ACSS2: variants seen among roughly 807,000 people sequenced by gnomAD.
ACSS2 encodes acyl-CoA synthetase short chain family member 2, also known as acetyl-coenzyme A synthetase, cytoplasmic.
In ACSS2, 58 loss-of-function variants were observed where a neutral mutation model predicts 90.6. The ratio of observed to expected loss-of-function variants is 0.64; its 90% confidence interval spans 0.52 to 0.80. The LOEUF (loss-of-function observed/expected upper bound fraction) is 0.80. ACSS2 is among the 30% of genes least tolerant of loss of function. The probability of loss-of-function intolerance (pLI) is 0.00; values close to 1 mark genes in which losing one functional copy is unlikely to be tolerated. For synonymous variants in ACSS2, 300 were observed against 330.9 expected (o/e 0.91, Z 1.01); for missense variants, 759 against 912.0 (o/e 0.83, Z 2.16).
At chr20:34,909,432 T>C (rs540168675) in intron 2 of ACSS2, among the ~76,000 whole-genome samples, 1 of 152,276 alleles carries the variant, frequency 6.6e-6, no homozygotes, top group East Asian at 1.9e-4. Flanking sequence ...AAGAATGATA[T>C]CAAGGTATAT....
At chr20:34,895,048 G>A (rs914012080) in intron 2 of ACSS2, among the ~76,000 whole-genome samples, 1 of 152,078 alleles carries the variant, frequency 6.6e-6, no homozygotes, top group East Asian at 1.9e-4. Flanking sequence ...ATGTTGGGGG[G>A]AGGGACAAAG....
At chr20:34,885,113 T>C (rs1034038714) in intron 2 of ACSS2, among the ~76,000 whole-genome samples, 9 of 151,894 alleles carry the variant, frequency 5.9e-5, no homozygotes, top group East Asian at 1.9e-4. Context: ...GGTGGGAGGA[T>C]TGCTTGAGCC....
chr20:34,902,461 A>T (rs1473256354), intron 2 of ACSS2, among the ~76,000 whole-genome samples: 1 of 152,170 alleles, frequency 6.6e-6, no homozygotes, highest in East Asian at 1.9e-4. Context: ...CTAGGAAGTG[A>T]CATTTAAGCT....
intron 14 of ACSS2, 83 bp downstream of exon 14, chr20:34,923,514 G>A (rs1322689979): frequency 5.0e-6 from 5 of 990,612 alleles, no homozygotes. Flanking sequence ...TTGGTGTGTT[G>A]CTATAAAATA....
At chr20:34,883,843 G>A (rs2080126373) in intron 2 of ACSS2, among the ~76,000 whole-genome samples, 1 of 152,172 alleles carries the variant, frequency 6.6e-6, no homozygotes, top group Non-Finnish European at 1.5e-5. Context: ...CTACTATACC[G>A]AATCCAAATA....
intron 14 of ACSS2, among the ~76,000 whole-genome samples, chr20:34,924,802 C>A (rs990142626): frequency 2.6e-5 from 4 of 151,988 alleles, no homozygotes; most frequent in African/African-American, 9.7e-5. Context: ...CGGGTTCAAG[C>A]AATTCTCCTG....
In ACSS2 at chr20:34,876,729, T is replaced by C. The variant is rs1163682783; in HGVS notation, c.84T>C (p.Ser28=). ...CTGGAGCCGGAGGCCGGGCGCGGAG[T>C]TGGTCTCCGCCGCCCGAGGTCAGCC... ...EEAGAGGRAR[S]WSPPPEVSRS... is the part of the protein sequence containing the mutation. Residue 28 remains serine, a synonymous_variant, in exon 1 of 18, where the codon AGT becomes AGC. Transcript: ENST00000360596. 6.9e-7 allele frequency: 1 copy of C among 1,441,950 alleles called. No homozygotes were observed. Among genetic ancestry groups the C allele is most frequent in the South Asian group, 1.4e-5 (1 of 72,274 alleles). 89.3% of individuals were successfully genotyped at this position (1,441,950 alleles called of 1,614,324 possible). A position where few individuals can be genotyped will look rare whatever the true frequency, so the allele number is the denominator to read the frequency against.
intron 13 of ACSS2, 156 bp downstream of exon 13, chr20:34,922,022 CCCTCGATACTTTG>C: frequency 7.1e-7 from 1 of 1,408,024 alleles, no homozygotes. Context: ...CTGGAGGGGA[CCCTCGATACTTTG>C]CCTGCATCTC....
chr20:34,887,946 T>A (rs1233457929), intron 2 of ACSS2, among the ~76,000 whole-genome samples: 2 of 150,162 alleles, frequency 1.3e-5, no homozygotes, highest in African/African-American at 4.9e-5. Context: ...GGCGCACTCC[T>A]GTAATCCCAG....
At chr20:34,904,412 C>T (rs1342207045) in intron 2 of ACSS2, among the ~76,000 whole-genome samples, 4 of 151,444 alleles carry the variant, frequency 2.6e-5, no homozygotes, top group Non-Finnish European at 4.4e-5. Context: ...CTGGGGAGGC[C>T]GTTTGGCTGG....
At chr20:34,909,094 C>G (rs1253622470) in intron 2 of ACSS2, among the ~76,000 whole-genome samples, 1 of 151,008 alleles carries the variant, frequency 6.6e-6, no homozygotes, top group African/African-American at 2.4e-5. Context: ...ACCTGTAATC[C>G]CAACACTTTG....
chr20:34,906,204 A>G (rs2080798972), intron 2 of ACSS2, among the ~76,000 whole-genome samples: 1 of 152,142 alleles, frequency 6.6e-6, no homozygotes, highest in East Asian at 1.9e-4. Flanking sequence ...GCGTGGTGGC[A>G]GGCGCCTGTG....
chr20:34,922,210 C>T, intron 13 of ACSS2: 1 of 215,136 alleles, frequency 4.6e-6, no homozygotes, highest in Non-Finnish European at 8.9e-6. Flanking sequence ...CTGGAGTCAC[C>T]CTGCCTGGGT....
intron 2 of ACSS2, among the ~76,000 whole-genome samples, chr20:34,897,826 TAAAA>T (rs535126568): frequency 6.9e-6 from 1 of 145,484 alleles, no homozygotes; most frequent in Non-Finnish European, 1.5e-5. Flanking sequence ...GAGACTGTCT[TAAAA>T]AAAAAAAAGT....
At chr20:34,920,737 G>T in intron 9 of ACSS2, 28 bp downstream of exon 9, 2 of 1,593,164 alleles carry the variant, frequency 1.3e-6, no homozygotes, top group Non-Finnish European at 8.6e-7. Flanking sequence ...TGGCCTAGCT[G>T]GGGGATGGAC....
chr20:34,915,085 A>G (rs1470410677), intron 7 of ACSS2: 35 of 931,374 alleles, frequency 3.8e-5, no homozygotes, highest in Non-Finnish European at 5.2e-5. Context: ...GGCTGGAATC[A>G]GGATCAGGAA....
Position 34,911,187 on chromosome 20 carries a change from T to A in ACSS2, c.375-1909T>A, listed in dbSNP as rs943943797. Among the ~76,000 whole-genome samples, 9 of 18,534 alleles carry A rather than the reference T, an allele frequency of 4.9e-4. No homozygotes were observed. In the African/African-American group the frequency reaches 5.0e-3, roughly 10 times the overall value. The allele number at this position is 18,534 out of a possible 152,430, so 12.2% of individuals were successfully genotyped here. A position where few individuals can be genotyped will look rare whatever the true frequency, so the allele number is the denominator to read the frequency against. On this transcript the variant is annotated intron_variant, in intron 2 of 17. Transcript: ENST00000360596. The stretch of plus-strand genomic sequence containing the variant: ...TGCATGACACCACACTCAGCTAAAA[T>A]TTTTTTTTTTTTTTTTTGAGACAGA...
chr20:34,923,436 G>A lies in ACSS2; in HGVS notation c.1657+5G>A, dbSNP rs2081245354. On this transcript the variant is annotated splice_donor_5th_base_variant and intron_variant, in intron 14 of 17. Transcript: ENST00000360596. ...GATACTATGTTACAGGAGATGGTGA[G>A]CCTTAGCTATCCCCCTCTTGCACCT... is the stretch of plus-strand genomic sequence containing the variant. 3 of 1,607,090 alleles carry A rather than the reference G, an allele frequency of 1.9e-6. No homozygotes were observed. Among genetic ancestry groups the A allele is most frequent in the Non-Finnish European group, 2.6e-6 (3 of 1,173,740 alleles).
intron 7 of ACSS2, chr20:34,915,271 A>C (rs1039775072): frequency 6.2e-7 from 1 of 1,613,906 alleles, no homozygotes; most frequent in African/African-American, 1.3e-5. Context: ...CCATTTCTGC[A>C]CTGCCGTGGG....
Sources: gnomAD v4.1 joint callset for allele counts (sites outside exome capture counted in the v4.1 genomes callset) on GRCh38, gnomAD v4.1.1 for gene constraint, MANE v1.5 for transcripts, NCBI Gene and HGNC (gene_info 2026-07-23, HGNC 2026-07-21) for gene names.